The following KCNH1 variants were observed in gnomAD, a reference collection of about 807,000 sequenced individuals.
The protein encoded by KCNH1 is potassium voltage-gated channel subfamily H member 1.
In KCNH1, 27 loss-of-function variants were observed where a neutral mutation model predicts 69.2. The ratio of observed to expected loss-of-function variants is 0.39; its 90% CI spans 0.29 to 0.54. The LOEUF is 0.54. KCNH1 is among the 20% of genes least tolerant of loss of function. The pLI, the probability that KCNH1 is intolerant of heterozygous loss-of-function variation, is 0.68. For missense variants in KCNH1, 798 were observed against 1,261.6 expected, an observed-to-expected ratio of 0.63 and a Z score of 5.57; for synonymous variants, 456 against 487.7, an observed-to-expected ratio of 0.93 and a Z score of 0.86.
intron 6 of KCNH1, among the ~76,000 whole-genome samples, chr1:210,933,197 G>A (rs909464425): frequency 1.2e-4 from 19 of 152,174 alleles, no homozygotes; most frequent in African/African-American, 4.6e-4. Flanking sequence ...AAAAGGATGA[G>A]TTCATGTCCT....
At chr1:210,998,242 T>C (rs1689092946) in intron 6 of KCNH1, among the ~76,000 whole-genome samples, 1 of 152,202 alleles carries the variant, frequency 6.6e-6, no homozygotes, top group South Asian at 2.1e-4. Context: ...TCAAGACCTA[T>C]CAGTGTGTTG....
At chr1:211,021,648 ACT>A (rs1689588230) in intron 5 of KCNH1, among the ~76,000 whole-genome samples, 3 of 152,026 alleles carry the variant, frequency 2.0e-5, no homozygotes, top group Non-Finnish European at 4.4e-5. Flanking sequence ...AGGATACAAA[ACT>A]CAACATACAA....
intron 10 of KCNH1, among the ~76,000 whole-genome samples, chr1:210,771,669 G>T (rs2102365247): frequency 6.6e-6 from 1 of 152,350 alleles, no homozygotes; most frequent in East Asian, 1.9e-4. Flanking sequence ...CTATGTAGTA[G>T]TAGGCTTCAT....
chr1:211,102,946 C>T (rs147002444), intron 3 of KCNH1, among the ~76,000 whole-genome samples: 1 of 152,324 alleles, frequency 6.6e-6, no homozygotes, highest in East Asian at 1.9e-4. Flanking sequence ...AAGGGAAGAG[C>T]AAGTTTTATA....
intron 7 of KCNH1, among the ~76,000 whole-genome samples, chr1:210,827,163 C>T (rs1685049270): frequency 1.3e-5 from 2 of 152,078 alleles, no homozygotes; most frequent in African/African-American, 4.8e-5. Context: ...CAGTGAAACC[C>T]CATCTCTATT....
chr1:210,997,060 G>T (rs1435815532), intron 6 of KCNH1, among the ~76,000 whole-genome samples: 1 of 152,114 alleles, frequency 6.6e-6, no homozygotes, highest in African/African-American at 2.4e-5. Context: ...CAAATATGGG[G>T]AAAAAATAGA....
intron 9 of KCNH1, among the ~76,000 whole-genome samples, chr1:210,785,104 A>C (rs1189615199): frequency 1.3e-5 from 2 of 152,216 alleles, no homozygotes; most frequent in Admixed American, 1.3e-4. Flanking sequence ...CAAAATGTCC[A>C]TATGTGTGTA....
chr1:211,005,133 G>C (rs927460989), intron 6 of KCNH1, among the ~76,000 whole-genome samples: 1 of 151,992 alleles, frequency 6.6e-6, no homozygotes, highest in African/African-American at 2.4e-5. Flanking sequence ...AAGATAAAGA[G>C]ACATTACTTA....
intron 10 of KCNH1, among the ~76,000 whole-genome samples, chr1:210,727,283 G>A (rs1682621647): frequency 6.6e-6 from 1 of 152,140 alleles, no homozygotes; most frequent in Non-Finnish European, 1.5e-5. Flanking sequence ...TCTCCTTCAT[G>A]GTAAGTATTT....
chr1:211,086,486 T>C (rs1251561730), intron 4 of KCNH1, among the ~76,000 whole-genome samples: 2 of 151,920 alleles, frequency 1.3e-5, no homozygotes, highest in Non-Finnish European at 2.9e-5. Context: ...ATTGAAACCA[T>C]ACCATGATCA....
At chr1:210,789,105 T>C (rs2798147) in intron 9 of KCNH1, among the ~76,000 whole-genome samples, 38,999 of 152,002 alleles carry the variant, frequency 0.26, 5,387 homozygotes, top group African/African-American at 0.35. Flanking sequence ...CACATAGCCT[T>C]CTCCCTCTGT....
chr1:210,898,688 G>T lies in KCNH1; in HGVS notation c.1462+20952C>A, dbSNP rs567785216. Among the ~76,000 whole-genome samples the T allele has an allele frequency of 2.7e-3, 408 of 151,702 alleles. 5 individuals are homozygous for T. The highest frequency in any genetic ancestry group is 9.3e-3 in the African/African-American group (383 of 41,250). Reference sequence around the variant, plus strand: ...AGGGGGCAGGCGTGGCGGCGGGGGGGGGTCCTGTCAACCACCTTTTACAGA... The same window carrying T: ...AGGGGGCAGGCGTGGCGGCGGGGGGTGGTCCTGTCAACCACCTTTTACAGA... On this transcript the variant is annotated intron_variant, in intron 7 of 10. Coordinates refer to ENST00000271751, the MANE Select transcript of KCNH1 (RefSeq NM_172362.3).
intron 5 of KCNH1, among the ~76,000 whole-genome samples, chr1:211,021,562 G>A (rs1304441054): frequency 7.6e-6 from 1 of 132,148 alleles, no homozygotes; most frequent in African/African-American, 3.1e-5. Flanking sequence ...CATATATTTA[G>A]AGAAACATAG....
chr1:211,054,928 C>T (rs1238148382), intron 5 of KCNH1, among the ~76,000 whole-genome samples: 1 of 151,946 alleles, frequency 6.6e-6, no homozygotes, highest in African/African-American at 2.4e-5. Context: ...AAATTAGATA[C>T]CAGAATAATA....
chr1:210,885,009 A>G (rs1034992098), intron 7 of KCNH1, among the ~76,000 whole-genome samples: 3 of 152,170 alleles, frequency 2.0e-5, no homozygotes, highest in Non-Finnish European at 4.4e-5. Flanking sequence ...CAATTTAACT[A>G]AGTATCTGAA....
intron 7 of KCNH1, among the ~76,000 whole-genome samples, chr1:210,876,110 A>G (rs1325131760): frequency 6.6e-6 from 1 of 152,214 alleles, no homozygotes; most frequent in Non-Finnish European, 1.5e-5. Flanking sequence ...AAGAGTTTTC[A>G]GAGCACTTAA....
intron 10 of KCNH1, among the ~76,000 whole-genome samples, chr1:210,748,070 G>C (rs950867592): frequency 1.3e-5 from 2 of 152,290 alleles, no homozygotes; most frequent in East Asian, 3.9e-4. Context: ...GCAGAGCTCT[G>C]GTTTCACTCT....
intron 7 of KCNH1, among the ~76,000 whole-genome samples, chr1:210,863,815 C>A (rs1686036924): frequency 6.6e-6 from 1 of 152,200 alleles, no homozygotes; most frequent in South Asian, 2.1e-4. Context: ...AACTTGTTCA[C>A]CCTCTGTTCC....
In KCNH1 at chr1:211,039,033, A is replaced by G. The variant is rs1689946567; in HGVS notation, c.559-19777T>C. ...GGTCTTCATGGCAGCCCCTCCCATC[A>G]TAGGCCCAGAGGCCCAGGAGGAAAA... On this transcript the variant is annotated intron_variant, in intron 5 of 10. Coordinates refer to ENST00000271751, the MANE Select transcript of KCNH1 (RefSeq NM_172362.3). Among the ~76,000 whole-genome samples, 3 of 152,200 alleles carry G rather than the reference A, an allele frequency of 2.0e-5. No homozygotes were observed. In the South Asian group the frequency reaches 6.2e-4, roughly 31 times the overall value.
Sources: allele counts gnomAD v4.1 joint callset (sites outside exome capture counted in the v4.1 genomes callset), GRCh38; gene constraint gnomAD v4.1.1; transcripts MANE v1.5; gene names NCBI Gene and HGNC (gene_info 2026-07-23, HGNC 2026-07-21).